The following ATP11A variants were observed in gnomAD, a reference collection of about 807,000 sequenced individuals.
ATP11A encodes phospholipid-transporting ATPase IH.
ATP11A carries 81 observed loss-of-function variants against 154.4 expected under a neutral mutation model. That is an observed-to-expected ratio of 0.52 (90% CI 0.44 to 0.63). ATP11A has a LOEUF of 0.63. ATP11A is among the 30% of genes least tolerant of loss of function. The pLI is 0.00. For missense variants in ATP11A, 1,316 were observed against 1,474.3 expected (o/e 0.89, Z 1.76); for synonymous variants, 623 against 585.9 (o/e 1.06, Z -0.91).
chr13:112,699,993 T>A (rs1470148835), intron 1 of ATP11A, among the ~76,000 whole-genome samples: 1 of 150,796 alleles, frequency 6.6e-6, no homozygotes, highest in Non-Finnish European at 1.5e-5. Context: ...GCTGTAAAAA[T>A]ATCTCAGGAA....
intron 1 of ATP11A, among the ~76,000 whole-genome samples, chr13:112,742,942 A>T (rs1891712196): frequency 6.6e-6 from 1 of 152,202 alleles, no homozygotes; most frequent in Non-Finnish European, 1.5e-5. Flanking sequence ...GCACTCACTC[A>T]AGAATTTCCT....
chr13:112,690,467 C>T lies in ATP11A; in HGVS notation c.39+12C>T, dbSNP rs766995494. On this transcript the variant is annotated intron_variant, in intron 1 of 29. Coordinates refer to ENST00000375645, the MANE Select transcript of ATP11A (RefSeq NM_015205.3). This position sits in a 1 kb window ranked among gnomAD's most constrained non-coding sequence, Gnocchi z 5.6. The stretch of plus-strand genomic sequence containing the variant: ...TCGTGCACAGATACGTGAGTGCTCC[C>T]GGCGCGGGCTGGGGGACCCGGGGAC... 41 of 1,343,986 alleles carry T rather than the reference C, an allele frequency of 3.1e-5. 1 individual carries two copies. Among genetic ancestry groups the T allele is most frequent in the Non-Finnish European group, 3.4e-5 (36 of 1,045,346 alleles). 83.3% of individuals were successfully genotyped at this position (1,343,986 alleles called of 1,614,324 possible). A position where few individuals can be genotyped will look rare whatever the true frequency, so the allele number is the denominator to read the frequency against.
intron 25 of ATP11A, among the ~76,000 whole-genome samples, chr13:112,864,219 G>C (rs560858554): frequency 8.2e-4 from 37 of 44,994 alleles, no homozygotes; most frequent in Admixed American, 1.2e-3. Flanking sequence ...TCACCACATG[G>C]GCAGTAATTC....
At position 112,832,955 on chromosome 13, in the gene ATP11A, CG is replaced by C. The variant is rs1566546408; in HGVS notation, c.1497del (p.Lys500AsnfsTer27). The part of the protein sequence containing the change: ...SVDGPRKSPD[G>X]GKSCVYISSS... ...TAGACGGCCCCAGGAAATCGCCGGACGGGGGGAAATCCTGTGTGTACATCTC... is the reference window on the plus strand; with the variant it reads ...TAGACGGCCCCAGGAAATCGCCGGACGGGGGAAATCCTGTGTGTACATCTC... On this transcript the variant is annotated frameshift_variant, in exon 14 of 30. Transcript: ENST00000375645. LOFTEE classifies it high-confidence loss of function. 3 of 1,613,914 alleles carry C rather than the reference CG, an allele frequency of 1.9e-6. No homozygotes were observed. The highest frequency in any genetic ancestry group is 1.1e-5 in the South Asian group (1 of 91,064).
intron 1 of ATP11A, among the ~76,000 whole-genome samples, chr13:112,693,555 G>A (rs1343380280): frequency 6.6e-6 from 1 of 152,030 alleles, no homozygotes; most frequent in Non-Finnish European, 1.5e-5. Context: ...CCGTGGACTG[G>A]CGTATGTGTT....
rs965220063 is a variant in ATP11A, at chr13:112,875,936, G to A, written c.3322G>A (p.Val1108Ile). 2.5e-6 allele frequency: 4 copies of A among 1,610,524 alleles called. No individual in the cohort carries two copies. Among genetic ancestry groups the A allele is most frequent in the Non-Finnish European group, 3.4e-6 (4 of 1,179,844 alleles). The change falls in exon 28 of 30, where the codon GTC (valine) becomes ATC (isoleucine). Residue 1108 changes from valine to isoleucine, a missense_variant. Physicochemically the swap from Val to Ile is conservative, Grantham distance 29. Transcript: ENST00000375645. This position sits in a 1 kb window ranked among gnomAD's most constrained non-coding sequence, Gnocchi z 4.1. ...GCTGTGGCCAACAGCAACAGAGAGA[G>A]TCCAGGTACGGAGTGTCCCCAGCCG... ...RQLWPTATER[V>I]QTKSQCLSVE...
chr13:112,709,873 T>C (rs1887543013), intron 1 of ATP11A, among the ~76,000 whole-genome samples: 1 of 152,286 alleles, frequency 6.6e-6, no homozygotes, highest in African/African-American at 2.4e-5. Flanking sequence ...TTGACTCTTG[T>C]TGTCAACTGT....
intron 1 of ATP11A, among the ~76,000 whole-genome samples, chr13:112,769,157 T>A: frequency 6.6e-6 from 1 of 152,166 alleles, no homozygotes; most frequent in Non-Finnish European, 1.5e-5. Context: ...GCTCCTACCC[T>A]TCCCCATGCC....
chr13:112,706,996 C>T (rs282574), intron 1 of ATP11A, among the ~76,000 whole-genome samples: 117,671 of 152,184 alleles, frequency 0.77, 47,564 homozygotes, highest in South Asian at 0.94. Context: ...CAAATTCGAG[C>T]GATTTTCTTA....
intron 1 of ATP11A, among the ~76,000 whole-genome samples, chr13:112,706,108 G>C (rs1887114359): frequency 6.6e-6 from 1 of 152,174 alleles, no homozygotes. Flanking sequence ...CAGTGAAAGA[G>C]ATCTTAACGG....
At chr13:112,735,684 T>G (rs1426286443) in intron 1 of ATP11A, among the ~76,000 whole-genome samples, 1 of 152,166 alleles carries the variant, frequency 6.6e-6, no homozygotes, top group Non-Finnish European at 1.5e-5. Context: ...TCACAGGGCT[T>G]AGAATCCTGC....
intron 1 of ATP11A, among the ~76,000 whole-genome samples, chr13:112,780,580 G>A (rs551260591): frequency 1.3e-5 from 2 of 152,294 alleles, no homozygotes; most frequent in East Asian, 1.9e-4. Flanking sequence ...CAGCGCAGCC[G>A]TGAACCTTCT....
chr13:112,810,225 G>A (rs1044455148), intron 4 of ATP11A, among the ~76,000 whole-genome samples: 5 of 152,362 alleles, frequency 3.3e-5, no homozygotes, highest in African/African-American at 9.6e-5. Context: ...CCACGTCTTC[G>A]GGGCTTTTCG....
chr13:112,844,946 C>T (rs906010950), intron 17 of ATP11A, among the ~76,000 whole-genome samples: 2 of 151,850 alleles, frequency 1.3e-5, no homozygotes, highest in African/African-American at 4.9e-5. Context: ...AGTCCAGTTG[C>T]CGGGCACTAG....
At chr13:112,692,734 C>T (rs1391660123) in intron 1 of ATP11A, among the ~76,000 whole-genome samples, 1 of 152,184 alleles carries the variant, frequency 6.6e-6, no homozygotes, top group Non-Finnish European at 1.5e-5. Context: ...CATATTTACA[C>T]ACAGAGCCAT....
intron 17 of ATP11A, among the ~76,000 whole-genome samples, chr13:112,850,788 A>C (rs972444879): frequency 1.3e-4 from 20 of 152,252 alleles, no homozygotes; most frequent in Non-Finnish European, 7.3e-5. Context: ...AAAATGCTGT[A>C]ATCCATAATG....
At chr13:112,761,345 G>C (rs1254416187) in intron 1 of ATP11A, among the ~76,000 whole-genome samples, 1 of 152,218 alleles carries the variant, frequency 6.6e-6, no homozygotes, top group Non-Finnish European at 1.5e-5. Flanking sequence ...CTCAGGAGAT[G>C]TTGTTATGTT....
At chr13:112,826,443 G>A (rs1210596106) in intron 11 of ATP11A, among the ~76,000 whole-genome samples, 5 of 152,104 alleles carry the variant, frequency 3.3e-5, no homozygotes, top group African/African-American at 9.7e-5. Flanking sequence ...GTCTTAACTC[G>A]TGATTTAATC....
intron 1 of ATP11A, among the ~76,000 whole-genome samples, chr13:112,717,138 G>T (rs1205677419): frequency 6.6e-6 from 1 of 152,218 alleles, no homozygotes; most frequent in Non-Finnish European, 1.5e-5. Context: ...ACACGCTTCC[G>T]CCTTGAGGAC....
Sources: gnomAD v4.1 joint callset for allele counts (sites outside exome capture counted in the v4.1 genomes callset) on GRCh38, gnomAD v4.1.1 for gene constraint, Gnocchi (gnomAD v3.1) non-coding constraint, MANE v1.5 for transcripts, NCBI Gene and HGNC (gene_info 2026-07-23, HGNC 2026-07-21) for gene names.